MYH11: variants seen among roughly 807,000 people sequenced by gnomAD.
MYH11 encodes the protein myosin heavy chain 11, also known as myosin-11.
Under a neutral mutation model 246.6 loss-of-function variants are expected in MYH11, and 80 were observed. The ratio of observed to expected loss-of-function variants is 0.32; its 90% CI spans 0.27 to 0.39. MYH11 has a LOEUF of 0.39. MYH11 is among the 10% of genes least tolerant of loss of function. The probability of loss-of-function intolerance (pLI) is 1.00; values close to 1 mark genes in which losing one functional copy is unlikely to be tolerated. For synonymous variants in MYH11, 1,071 were observed against 1,015.5 expected, an observed-to-expected ratio of 1.05 and a Z score of -1.04; for missense variants, 2,158 against 2,546.8, an observed-to-expected ratio of 0.85 and a Z score of 3.29.
At position 15,750,443 on chromosome 16, in the gene MYH11, A is replaced by T. The variant is rs2041537091; in HGVS notation, c.1865-112T>A. The stretch of plus-strand genomic sequence containing the variant: ...CCTGCCCACTCCAATCTTTCCTTCC[A>T]TCACCAACGCCTCCTTCGGCAGTCA... On this transcript the variant is annotated intron_variant, in intron 15 of 40. Transcript: ENST00000300036. The surrounding 1 kb of genome is among the most constrained non-coding windows in gnomAD (Gnocchi z 4.3). The T allele has an allele frequency of 2.9e-6, 3 of 1,041,962 alleles. No homozygotes were observed. The highest frequency in any genetic ancestry group is 4.3e-6 in the Non-Finnish European group (3 of 702,110). The allele number at this position is 1,041,962 out of a possible 1,614,324, so 64.5% of individuals were successfully genotyped here.
At chr16:15,802,223 G>A (rs973201197) in intron 3 of MYH11, among the ~76,000 whole-genome samples, 13 of 152,286 alleles carry the variant, frequency 8.5e-5, no homozygotes, top group East Asian at 3.9e-4. Flanking sequence ...TAACAGCTCC[G>A]ATCTCCCGAG....
intron 36 of MYH11, chr16:15,718,768 G>T (rs1038079968): frequency 6.6e-6 from 3 of 453,736 alleles, no homozygotes; most frequent in East Asian, 4.3e-5. Flanking sequence ...AAGCGCTGAC[G>T]GAAAACCTAA....
chr16:15,713,252 GAAAA>G (rs562900182), intron 40 of MYH11: 1 of 151,606 alleles, frequency 6.6e-6, no homozygotes, highest in African/African-American at 2.4e-5. Flanking sequence ...CATAGAAATG[GAAAA>G]AAAATAGAAG....
At chr16:15,791,355 T>C (rs548173414) in intron 4 of MYH11, 3 of 152,330 alleles carry the variant, frequency 2.0e-5, no homozygotes, top group Non-Finnish European at 4.4e-5. Flanking sequence ...TTGCCACTGG[T>C]AGGAAAGCCA....
intron 20 of MYH11, among the ~76,000 whole-genome samples, chr16:15,743,394 C>T (rs564595902): frequency 7.2e-5 from 11 of 152,182 alleles, no homozygotes; most frequent in African/African-American, 2.2e-4. Flanking sequence ...GTTTCGAACT[C>T]GTGAACCCAG....
intron 4 of MYH11, among the ~76,000 whole-genome samples, chr16:15,788,443 C>A (rs554317504): frequency 6.6e-6 from 1 of 151,844 alleles, no homozygotes; most frequent in African/African-American, 2.4e-5. Context: ...ACAGTCTCTG[C>A]TCTTCTTCCT....
intron 12 of MYH11, among the ~76,000 whole-genome samples, 158 bp from the exon 13 acceptor site, chr16:15,758,158 T>C (rs2041780324): frequency 6.6e-6 from 1 of 152,146 alleles, no homozygotes; most frequent in Non-Finnish European, 1.5e-5. Context: ...CAAAACATGC[T>C]GCCTAGAGTC....
At position 15,703,556 on chromosome 16, in the gene MYH11, T is replaced by G; in HGVS notation, c.*435A>C. On this transcript the variant is annotated 3_prime_UTR_variant, in exon 41 of 41. Coordinates refer to ENST00000300036, the MANE Select transcript of MYH11 (RefSeq NM_002474.3). Reference sequence around the variant, plus strand: ...TTCTCATCTCTTACATCATACAAACTTCAATTTTTACCTTGAATACAGGGG... The same window carrying G: ...TTCTCATCTCTTACATCATACAAACGTCAATTTTTACCTTGAATACAGGGG... 3.0e-6 allele frequency: 1 copy of G among 336,928 alleles called. No homozygotes were observed. The highest frequency in any genetic ancestry group is 2.0e-5 in the African/African-American group (1 of 48,804). The allele number at this position is 336,928 out of a possible 1,614,324, so 20.9% of individuals were successfully genotyped here. A position where few individuals can be genotyped will look rare whatever the true frequency, so the allele number is the denominator to read the frequency against.
intron 3 of MYH11, among the ~76,000 whole-genome samples, chr16:15,802,471 T>TG (rs1017339431): frequency 4.6e-5 from 7 of 152,220 alleles, no homozygotes; most frequent in Non-Finnish European, 1.0e-4. Context: ...TTGATTGAGA[T>TG]GGGGTCTCAC....
chr16:15,706,301 C>T lies in MYH11; in HGVS notation c.5787-2178G>A, dbSNP rs78928767. ...TTCTTTTTTAGCACTGTTTTCCAAG[C>T]GCTTGACTCAGAAGGATGCTCAAAT... is the stretch of plus-strand genomic sequence containing the variant. On this transcript the variant is annotated intron_variant, in intron 40 of 40. Transcript: ENST00000300036. Among the ~76,000 whole-genome samples the T allele has an allele frequency of 7.2e-3, 1,099 of 152,204 alleles. 12 individuals are homozygous for T. Among genetic ancestry groups the T allele is most frequent in the African/African-American group, 0.026 (1,069 of 41,540 alleles).
intron 36 of MYH11, 50 bp downstream of exon 36, chr16:15,719,170 G>GT: frequency 6.5e-7 from 1 of 1,532,328 alleles, no homozygotes; most frequent in Non-Finnish European, 9.0e-7. Flanking sequence ...GATGCTGCCT[G>GT]TCCCCCCATC....
At chr16:15,810,327 G>A (rs756215973) in intron 3 of MYH11, among the ~76,000 whole-genome samples, 10 of 152,152 alleles carry the variant, frequency 6.6e-5, no homozygotes, top group Admixed American at 3.3e-4. Context: ...GAACCACTGT[G>A]CCTGGCCAAT....
intron 1 of MYH11, among the ~76,000 whole-genome samples, chr16:15,855,915 C>T (rs2044454812): frequency 6.6e-6 from 1 of 152,236 alleles, no homozygotes; most frequent in Non-Finnish European, 1.5e-5. Context: ...ACTAAACACT[C>T]CCACCTTGGG....
intron 9 of MYH11, among the ~76,000 whole-genome samples, chr16:15,769,954 C>T (rs1490098526): frequency 6.6e-6 from 1 of 152,164 alleles, no homozygotes; most frequent in Non-Finnish European, 1.5e-5. Flanking sequence ...AGCCACTGTG[C>T]CCAGCCTGTT....
At position 15,750,345 on chromosome 16, in the gene MYH11, C is replaced by G. The variant is rs1168889430; in HGVS notation, c.1865-14G>C. 1 of 1,582,786 alleles carries G rather than the reference C, an allele frequency of 6.3e-7. No homozygotes were observed. Among genetic ancestry groups the G allele is most frequent in the Admixed American group, 1.8e-5 (1 of 54,180 alleles). On this transcript the variant is annotated splice_polypyrimidine_tract_variant and intron_variant, in intron 15 of 40. Transcript: ENST00000300036. The surrounding 1 kb of genome is among the most constrained non-coding windows in gnomAD (Gnocchi z 4.3). ...CGATGCGGTCCACTATGGGGCACAGCCAGGGTGGCATCAGCCTCTGGCCCA... is the reference window on the plus strand; with the variant it reads ...CGATGCGGTCCACTATGGGGCACAGGCAGGGTGGCATCAGCCTCTGGCCCA...
At chr16:15,716,500 CT>C (rs1160590928) in intron 38 of MYH11, among the ~76,000 whole-genome samples, 8 of 151,864 alleles carry the variant, frequency 5.3e-5, no homozygotes. Context: ...GCCGGTTGGA[CT>C]TTTGTTTTTT....
intron 2 of MYH11, among the ~76,000 whole-genome samples, 166 bp downstream of exon 2, chr16:15,837,742 C>G (rs1021445244): frequency 2.6e-5 from 4 of 152,010 alleles, no homozygotes; most frequent in Non-Finnish European, 4.4e-5. Flanking sequence ...ATCATGTTGG[C>G]CAGCGTGGTC....
intron 4 of MYH11, among the ~76,000 whole-genome samples, chr16:15,788,615 AAG>A (rs2042534461): frequency 6.6e-6 from 1 of 152,200 alleles, no homozygotes; most frequent in Non-Finnish European, 1.5e-5. Context: ...TCCAGAAATC[AAG>A]TGTCTGATGG....
At position 15,721,508 on chromosome 16, in the gene MYH11, C is replaced by T. The variant is rs1378016414; in HGVS notation, c.4492G>A (p.Ala1498Thr). The T allele has an allele frequency of 6.2e-7, 1 of 1,614,092 alleles. No individual in the cohort carries two copies. Among genetic ancestry groups the T allele is most frequent in the Admixed American group, 1.7e-5 (1 of 59,996 alleles). ...TTGGTCCGCTCGAGTTCCTCTTTGGCTTCCAAGGCCTCTTCAAGGGCCCGA... is the reference window on the plus strand; with the variant it reads ...TTGGTCCGCTCGAGTTCCTCTTTGGTTTCCAAGGCCTCTTCAAGGGCCCGA... ...LARALEEALE[A>T]KEELERTNKM... The change falls in exon 32 of 41, where the codon GCC (alanine) becomes ACC (threonine). Residue 1498 changes from alanine to threonine, a missense_variant. Around this residue, in one of 11 missense-constraint regions of MYH11, gnomAD observed 1,013 missense variants for 993.5 expected, o/e 1.02. Coordinates refer to ENST00000300036, the MANE Select transcript of MYH11 (RefSeq NM_002474.3).
Sources: gnomAD v4.1 joint callset for allele counts (sites outside exome capture counted in the v4.1 genomes callset) on GRCh38, gnomAD v4.1.1 for gene constraint, gnomAD v4.1.1 regional missense constraint, Gnocchi (gnomAD v3.1) non-coding constraint, MANE v1.5 for transcripts, NCBI Gene and HGNC (gene_info 2026-07-23, HGNC 2026-07-21) for gene names.